Variants in SGCD observed in about 807,000 individuals in gnomAD.
SGCD encodes the protein sarcoglycan delta, also known as delta-sarcoglycan.
In SGCD, 18 loss-of-function variants were observed where a neutral mutation model predicts 36.6. That is an observed-to-expected ratio of 0.49 (90% CI 0.34 to 0.73). The LOEUF (loss-of-function observed/expected upper bound fraction) is 0.73. Among genes scored for constraint, SGCD ranks in the 30% least tolerant of loss-of-function variants. The pLI is 0.01. For synonymous variants in SGCD, 133 were observed against 130.6 expected, an observed-to-expected ratio of 1.02 and a Z score of -0.12; for missense variants, 387 against 346.7, an observed-to-expected ratio of 1.12 and a Z score of -0.92.
chr5:156,252,478 C>T (rs1363683589), intron 3 of SGCD, among the ~76,000 whole-genome samples: 6 of 152,248 alleles, frequency 3.9e-5, no homozygotes, highest in African/African-American at 9.6e-5. Context: ...AAGTATTTTG[C>T]GTCCTTTTTT....
intron 3 of SGCD, among the ~76,000 whole-genome samples, chr5:156,364,441 G>A (rs1320601513): frequency 6.6e-6 from 1 of 152,016 alleles, no homozygotes; most frequent in East Asian, 1.9e-4. Context: ...GGCTTTGGGG[G>A]CAGTGCATGG....
chr5:155,880,301 C>G (rs1028603761), intron 1 of SGCD, among the ~76,000 whole-genome samples: 6 of 152,292 alleles, frequency 3.9e-5, no homozygotes, highest in Middle Eastern at 3.4e-3. Flanking sequence ...CTAGGTATCT[C>G]AAGTTTCTGA....
intron 3 of SGCD, among the ~76,000 whole-genome samples, chr5:156,288,385 A>T (rs1766670865): frequency 6.6e-6 from 1 of 152,106 alleles, no homozygotes; most frequent in Non-Finnish European, 1.5e-5. Context: ...TGGATGAAAC[A>T]TTTCTTTGCC....
intron 7 of SGCD, among the ~76,000 whole-genome samples, chr5:156,743,322 G>A (rs148170249): frequency 0.014 from 2,089 of 152,220 alleles, 32 homozygotes; most frequent in African/African-American, 0.025. Flanking sequence ...ATGTTGGCCA[G>A]GCTGATTTCA....
chr5:156,494,856 G>C (rs1157942005), intron 3 of SGCD, among the ~76,000 whole-genome samples: 1 of 152,140 alleles, frequency 6.6e-6, no homozygotes, highest in East Asian at 1.9e-4. Flanking sequence ...CATTCTCCCT[G>C]TACTCAGACC....
intron 1 of SGCD, among the ~76,000 whole-genome samples, chr5:155,929,520 C>A (rs1757059024): frequency 6.6e-6 from 1 of 152,160 alleles, no homozygotes; most frequent in Non-Finnish European, 1.5e-5. Flanking sequence ...ACCTTCCACT[C>A]TTAAGATAGC....
At chr5:156,356,152 C>G (rs1192885415) in intron 3 of SGCD, among the ~76,000 whole-genome samples, 1 of 152,100 alleles carries the variant, frequency 6.6e-6, no homozygotes, top group African/African-American at 2.4e-5. Context: ...ACAAACTACC[C>G]CAAAACTTAG....
chr5:156,098,617 ATT>A (rs199591425), intron 1 of SGCD, among the ~76,000 whole-genome samples: 1,450 of 138,824 alleles, frequency 0.01, 99 homozygotes, highest in Admixed American at 0.094. Context: ...ATATATATAT[ATT>A]TATTTATGTT....
In SGCD at chr5:156,019,924, C is replaced by G. The variant is rs73810398; in HGVS notation, c.-281-97954C>G. 6.6e-3 allele frequency among the ~76,000 whole-genome samples: 1,001 copies of G among 152,296 alleles called. 12 individuals are homozygous for G. The highest frequency in any genetic ancestry group is 0.023 in the African/African-American group (950 of 41,562). The stretch of plus-strand genomic sequence containing the variant: ...CTAACTCATGTCTCCAATCTCAGCT[C>G]CTGCTACTTATGCACCTTCTCTAAA... On this transcript the variant is annotated intron_variant, in intron 1 of 9. Transcript: ENST00000517913.
chr5:156,031,131 G>A (rs975239456), intron 1 of SGCD, among the ~76,000 whole-genome samples: 3 of 152,160 alleles, frequency 2.0e-5, no homozygotes, highest in African/African-American at 7.2e-5. Context: ...AAGTTCTCCA[G>A]CTGACATGCA....
intron 6 of SGCD, among the ~76,000 whole-genome samples, chr5:156,601,674 G>T (rs1761197283): frequency 6.6e-6 from 1 of 151,700 alleles, no homozygotes; most frequent in Non-Finnish European, 1.5e-5. Context: ...ATGTCATTGG[G>T]TTTTTTTGTT....
chr5:156,264,886 A>G (rs1021519523), intron 3 of SGCD, among the ~76,000 whole-genome samples: 34 of 152,262 alleles, frequency 2.2e-4, no homozygotes, highest in African/African-American at 7.7e-4. Context: ...TTAGCAAGTA[A>G]GTGAATGAAG....
At chr5:156,484,436 C>T (rs1251016433) in intron 3 of SGCD, among the ~76,000 whole-genome samples, 1 of 152,170 alleles carries the variant, frequency 6.6e-6, no homozygotes, top group East Asian at 1.9e-4. Context: ...AAGAGCACAA[C>T]CGGCATTTAC....
intron 5 of SGCD, among the ~76,000 whole-genome samples, chr5:156,590,927 C>G (rs1271122948): frequency 6.6e-6 from 1 of 151,884 alleles, no homozygotes; most frequent in Non-Finnish European, 1.5e-5. Flanking sequence ...TCCTCCTTCT[C>G]CCTCCTCCTG....
At chr5:156,622,439 AATAATAAT>A (rs1382413788) in intron 6 of SGCD, among the ~76,000 whole-genome samples, 1 of 25,038 alleles carries the variant, frequency 4.0e-5, no homozygotes, top group Admixed American at 4.7e-4. Flanking sequence ...TCTAAAAAAT[AATAATAAT>A]AATAATAATA....
intron 3 of SGCD, among the ~76,000 whole-genome samples, chr5:156,401,060 C>A (rs555548909): frequency 6.6e-6 from 1 of 152,162 alleles, no homozygotes. Context: ...AGACATATTT[C>A]TTGCCCTCAC....
intron 1 of SGCD, among the ~76,000 whole-genome samples, chr5:155,949,167 C>T (rs958969163): frequency 2.6e-5 from 4 of 152,172 alleles, no homozygotes; most frequent in African/African-American, 4.8e-5. Context: ...ATGGGGGGCA[C>T]ATTAGGTCAA....
intron 3 of SGCD, among the ~76,000 whole-genome samples, chr5:156,265,337 A>G (rs183870649): frequency 2.4e-4 from 36 of 152,290 alleles, no homozygotes; most frequent in Admixed American, 9.2e-4. Flanking sequence ...GGATAGGAAG[A>G]TTCTAAGAAA....
At chr5:156,109,762 T>A (rs1761739675) in intron 1 of SGCD, among the ~76,000 whole-genome samples, 1 of 152,154 alleles carries the variant, frequency 6.6e-6, no homozygotes, top group African/African-American at 2.4e-5. Flanking sequence ...ATCCACTCAT[T>A]TGTGATCCCA....
Sources: allele counts gnomAD v4.1 joint callset (sites outside exome capture counted in the v4.1 genomes callset), GRCh38; gene constraint gnomAD v4.1.1; transcripts MANE v1.5; gene names NCBI Gene and HGNC (gene_info 2026-07-23, HGNC 2026-07-21).